CPOX: variants seen among roughly 807,000 people sequenced by gnomAD.
CPOX encodes oxygen-dependent coproporphyrinogen-III oxidase, mitochondrial.
A neutral mutation model predicts 48.9 loss-of-function variants in CPOX; 24 were observed. The ratio of observed to expected loss-of-function variants is 0.49; its 90% CI spans 0.36 to 0.69. CPOX has a LOEUF of 0.69. Among genes scored for constraint, CPOX ranks in the 30% least tolerant of loss-of-function variants. CPOX has a pLI of 0.00. For missense variants in CPOX, 549 were observed against 597.3 expected, an observed-to-expected ratio of 0.92 and a Z score of 0.84; for synonymous variants, 249 against 234.6, an observed-to-expected ratio of 1.06 and a Z score of -0.56.
downstream of CPOX, among the ~76,000 whole-genome samples, chr3:98,574,670 C>T (rs542057075): frequency 3.6e-3 from 555 of 152,292 alleles, 3 homozygotes; most frequent in African/African-American, 0.011. Context: ...CACCCCCTGC[C>T]TCCCAGGTTC....
At chr3:98,576,762 A>T (rs968414443), downstream of CPOX, among the ~76,000 whole-genome samples, 2 of 152,202 alleles carry the variant, frequency 1.3e-5, no homozygotes, top group Non-Finnish European at 2.9e-5. Flanking sequence ...GCTTTTAGAG[A>T]TACTGGGAAC....
At chr3:98,586,132 A>G (rs1707359368) in intron 4 of CPOX, among the ~76,000 whole-genome samples, 1 of 152,130 alleles carries the variant, frequency 6.6e-6, no homozygotes, top group Admixed American at 6.5e-5. Flanking sequence ...TCGGCCTCCC[A>G]AAGTGCTGGG....
intron 5 of CPOX, among the ~76,000 whole-genome samples, chr3:98,583,913 G>A (rs1396631608): frequency 1.3e-5 from 2 of 152,116 alleles, no homozygotes; most frequent in Admixed American, 6.5e-5. Context: ...AGATAAGGGA[G>A]GCAGAAAGAA....
At position 98,581,504 on chromosome 3, in the gene CPOX, C is replaced by T; in HGVS notation, c.1180G>A (p.Glu394Lys). Reference sequence around the variant, plus strand: ...CCCCGATCATACAGCAGATTAAATTCTACATACCTGCCATAAATACATCAA... The same window carrying T: ...CCCCGATCATACAGCAGATTAAATTTTACATACCTGCCATAAATACATCAA... ...WQQLRRGRYVEFNLLYDRGTK... is the reference protein window; with the variant it reads ...WQQLRRGRYVKFNLLYDRGTK... Residue 394 changes from glutamate (E) to lysine (K), a missense_variant, in exon 6 of 7, where the codon GAA becomes AAA. Physicochemically the swap from Glu to Lys is moderately conservative, Grantham distance 56 (BLOSUM62 1). This residue lies in a region of CPOX where 213 missense variants were observed against 279.1 expected (regional missense o/e 0.76). Coordinates refer to ENST00000647941, the MANE Select transcript of CPOX (RefSeq NM_000097.7). The T allele has an allele frequency of 6.2e-7, 1 of 1,611,622 alleles. No individual in the cohort carries two copies. Among genetic ancestry groups the T allele is most frequent in the Non-Finnish European group, 8.5e-7 (1 of 1,177,840 alleles).
In CPOX at chr3:98,591,122, C is replaced by T; in HGVS notation, c.590G>A (p.Gly197Glu). Residue 197 changes from glycine (G) to glutamate (E), a missense_variant, in exon 2 of 7, where the codon GGG becomes GAG. Physicochemically the swap from Gly to Glu is moderately conservative, Grantham distance 98. Coordinates refer to ENST00000647941, the MANE Select transcript of CPOX (RefSeq NM_000097.7). Reference sequence around the variant, plus strand: ...CACCCCAGCCTTTTCGAAAACACACCCATCTTGAAGTACACAGCTGATGCC... The same window carrying T: ...CACCCCAGCCTTTTCGAAAACACACTCATCTTGAAGTACACAGCTGATGCC... ...GGGISCVLQD[G>E]CVFEKAGVSI... 1 of 1,614,038 alleles carries T rather than the reference C, an allele frequency of 6.2e-7. No homozygotes were observed. The highest frequency in any genetic ancestry group is 8.5e-7 in the Non-Finnish European group (1 of 1,179,990).
chr3:98,580,659 C>A lies in CPOX; in HGVS notation c.*24G>T. 1.2e-6 allele frequency: 2 copies of A among 1,613,958 alleles called. No homozygotes were observed. Among genetic ancestry groups the A allele is most frequent in the Non-Finnish European group, 1.7e-6 (2 of 1,179,914 alleles). ...AGCACACATCGTGTGCCCTCCAAAC[C>A]CCTGCACAGCCATTCTGCCTGCATC... is the stretch of plus-strand genomic sequence containing the variant. On this transcript the variant is annotated 3_prime_UTR_variant, in exon 7 of 7. Coordinates refer to ENST00000647941, the MANE Select transcript of CPOX (RefSeq NM_000097.7).
chr3:98,578,322 T>A, downstream of CPOX: 1 of 552,912 alleles, frequency 1.8e-6, no homozygotes, highest in Non-Finnish European at 2.3e-6. Context: ...GCCACAGCTT[T>A]AAACACAACT....
chr3:98,588,562 TA>T (rs1707410646), intron 4 of CPOX, 150 bp downstream of exon 4: 1 of 719,374 alleles, frequency 1.4e-6, no homozygotes, highest in African/African-American at 1.8e-5. Context: ...TACAACCACT[TA>T]AAACCAGTAT....
At chr3:98,573,803 G>A in the CPOX span, among the ~76,000 whole-genome samples, 1 of 152,162 alleles carries the variant, frequency 6.6e-6, no homozygotes, top group Admixed American at 6.5e-5. Flanking sequence ...TTAACATAGA[G>A]TATAGATCAT....
At position 98,593,360 on chromosome 3, in the gene CPOX, G is replaced by C; in HGVS notation, c.145C>G (p.Arg49Gly). 5 of 1,340,092 alleles carry C rather than the reference G, an allele frequency of 3.7e-6. No individual in the cohort carries two copies. In the South Asian group the frequency reaches 8.4e-5, roughly 23 times the overall value. The allele number at this position is 1,340,092 out of a possible 1,614,324, so 83.0% of individuals were successfully genotyped here. A position where few individuals can be genotyped will look rare whatever the true frequency, so the allele number is the denominator to read the frequency against. ...SQRSAAGRVC[R>G]PPGPAGTEQS... The stretch of plus-strand genomic sequence containing the variant: ...TCCGTGCCAGCCGGGCCAGGGGGCC[G>C]GCAGACGCGTCCGGCTGCGCTGCGC... The change falls in exon 1 of 7, where the codon CGG (arginine) becomes GGG (glycine). Residue 49 changes from arginine (R) to glycine (G), a missense_variant. Arg to Gly is a moderately radical substitution (Grantham distance 125). Transcript: ENST00000647941.
intron 6 of CPOX, 145 bp downstream of exon 6, chr3:98,581,262 T>C (rs1488583187): frequency 1.5e-6 from 1 of 687,430 alleles, no homozygotes; most frequent in Non-Finnish European, 2.7e-6. Flanking sequence ...ATTTGCCTTA[T>C]TTGACTGTGA....
At chr3:98,589,821 T>C (rs924819307) in intron 3 of CPOX, 2 of 152,212 alleles carry the variant, frequency 1.3e-5, no homozygotes, top group African/African-American at 4.8e-5. Flanking sequence ...CCAATAAGAA[T>C]AGGTGTGGCA....
At chr3:98,592,524 A>G (rs904918211) in intron 1 of CPOX, among the ~76,000 whole-genome samples, 1 of 152,126 alleles carries the variant, frequency 6.6e-6, no homozygotes, top group Admixed American at 6.5e-5. Flanking sequence ...GCCGACACTT[A>G]GCGCACAGGA....
chr3:98,576,318 G>C (rs1016763028), downstream of CPOX, among the ~76,000 whole-genome samples: 14 of 152,162 alleles, frequency 9.2e-5, no homozygotes, highest in East Asian at 5.8e-4. Context: ...GAGCAAAGAA[G>C]GGAAGAGCAC....
downstream of CPOX, among the ~76,000 whole-genome samples, chr3:98,576,177 T>C (rs2107105855): frequency 6.6e-6 from 1 of 151,834 alleles, no homozygotes; most frequent in African/African-American, 2.4e-5. Flanking sequence ...CTGAATAATT[T>C]ATAAAGGAAA....
At position 98,580,390 on chromosome 3, in the gene CPOX, T is replaced by A; in HGVS notation, c.*293A>T. The A allele has an allele frequency of 8.5e-7, 1 of 1,171,818 alleles. No homozygotes were observed. Among genetic ancestry groups the A allele is most frequent in the Non-Finnish European group, 1.1e-6 (1 of 939,042 alleles). 72.6% of individuals were successfully genotyped at this position (1,171,818 alleles called of 1,614,324 possible). Reference sequence around the variant, plus strand: ...ATTTCCTGATACATATAATACTATTTATATTCCCTTATCTCAATACTTGGA... The same window carrying A: ...ATTTCCTGATACATATAATACTATTAATATTCCCTTATCTCAATACTTGGA... On this transcript the variant is annotated 3_prime_UTR_variant, in exon 7 of 7. Transcript: ENST00000647941.
rs186587097 is a variant in CPOX, at chr3:98,580,446, T to C, written c.*237A>G. Reference sequence around the variant, plus strand: ...AATGTCCTATTTTGTAAACTAGTCATATAAAATGACACTAGAAGTATAAAT... The same window carrying C: ...AATGTCCTATTTTGTAAACTAGTCACATAAAATGACACTAGAAGTATAAAT... On this transcript the variant is annotated 3_prime_UTR_variant, in exon 7 of 7. Coordinates refer to ENST00000647941, the MANE Select transcript of CPOX (RefSeq NM_000097.7). 9 of 1,343,032 alleles carry C rather than the reference T, an allele frequency of 6.7e-6. No individual in the cohort carries two copies. In the African/African-American group the frequency reaches 1.3e-4, roughly 20 times the overall value. 83.2% of individuals were successfully genotyped at this position (1,343,032 alleles called of 1,614,324 possible).
chr3:98,580,142 G>GT lies in CPOX; in HGVS notation c.*540dup, dbSNP rs369531865. ...TTCTAAATACCTATTAGAAAAATGTGTATCTATTTGACAATATTATGTTCT... is the reference window on the plus strand; with the variant it reads ...TTCTAAATACCTATTAGAAAAATGTGTTATCTATTTGACAATATTATGTTCT... On this transcript the variant is annotated 3_prime_UTR_variant, in exon 7 of 7. Coordinates refer to ENST00000647941, the MANE Select transcript of CPOX (RefSeq NM_000097.7). The GT allele has an allele frequency of 1.2e-5, 12 of 977,520 alleles. No homozygotes were observed. The African/African-American group carries it at 2.1e-4, about 17-fold the overall frequency. 60.6% of individuals were successfully genotyped at this position (977,520 alleles called of 1,614,324 possible). A position where few individuals can be genotyped will look rare whatever the true frequency, so the allele number is the denominator to read the frequency against.
At position 98,593,294 on chromosome 3, in the gene CPOX, C is replaced by T. The variant is rs767862234; in HGVS notation, c.211G>A (p.Gly71Ser). Residue 71 changes from glycine (G) to serine (S), a missense_variant, in exon 1 of 7, where the codon GGC (glycine) becomes AGC (serine). By Grantham distance (56) the Gly-to-Ser change is moderately conservative. Coordinates refer to ENST00000647941, the MANE Select transcript of CPOX (RefSeq NM_000097.7). ...GCCAGCCCTGTCCCCACCCAGGGGC[C>T]GCCTCTCGACGTCGAGCCGTGCCCC... The part of the protein sequence containing the change: ...GLGHGSTSRG[G>S]PWVGTGLAAA... 3 of 1,446,338 alleles carry T rather than the reference C, an allele frequency of 2.1e-6. No homozygotes were observed. In the East Asian group the frequency reaches 7.5e-5, roughly 36 times the overall value. 89.6% of individuals were successfully genotyped at this position (1,446,338 alleles called of 1,614,324 possible).
Sources: allele counts gnomAD v4.1 joint callset (sites outside exome capture counted in the v4.1 genomes callset), GRCh38; gene constraint gnomAD v4.1.1; regional missense constraint gnomAD v4.1.1; transcripts MANE v1.5; gene names NCBI Gene and HGNC (gene_info 2026-07-23, HGNC 2026-07-21).